The following CREBZF variants were observed in gnomAD, a reference collection of about 807,000 sequenced individuals.
CREBZF encodes the protein HCF-binding transcription factor Zhangfei.
A neutral mutation model predicts 21.1 loss-of-function variants in CREBZF; 8 were observed. The observed-to-expected ratio is 0.38, with a 90% confidence interval of 0.22 to 0.68. The LOEUF is 0.68. Among genes scored for constraint, CREBZF ranks in the 30% least tolerant of loss-of-function variants. The pLI, the probability that CREBZF is intolerant of heterozygous loss-of-function variation, is 0.51. For missense variants in CREBZF, 518 were observed against 484.3 expected (o/e 1.07, Z -0.65); for synonymous variants, 270 against 223.3 (o/e 1.21, Z -1.86).
In CREBZF at chr11:85,661,960, T is replaced by TTATATATATATATATATATGTA. The variant is rs2082695143; in HGVS notation, c.*1829_*1850dup. On this transcript the variant is annotated 3_prime_UTR_variant, in exon 1 of 1. Transcript: ENST00000527447. ...AATAATCTTTCCAACTACTTTTGGT[T>TTATATATATATATATATATGTA]TATATATATATATATATATGTATAT... is the stretch of plus-strand genomic sequence containing the variant. 6.9e-6 allele frequency: 1 copy of TTATATATATATATATATATGTA among 145,776 alleles called. No homozygotes were observed. Among genetic ancestry groups the TTATATATATATATATATATGTA allele is most frequent in the African/African-American group, 2.5e-5 (1 of 40,008 alleles). The allele number at this position is 145,776 out of a possible 1,614,324, so 9.0% of individuals were successfully genotyped here.
intron 1 of CREBZF, chr11:85,682,606 T>TCC: frequency 1.5e-5 from 3 of 204,626 alleles, no homozygotes; most frequent in Non-Finnish European, 1.7e-5. Context: ...CCTGCCCTAC[T>TCC]CCCCCCAACG....
In CREBZF at chr11:85,659,367, A is replaced by T. The variant is rs1428347619; in HGVS notation, c.*4444T>A. ...AGTCTGTTCTATCAAAGTAGTAGTTAAGGTCACCAAATAATGTTGGTGCCT... is the reference window on the plus strand; with the variant it reads ...AGTCTGTTCTATCAAAGTAGTAGTTTAGGTCACCAAATAATGTTGGTGCCT... On this transcript the variant is annotated 3_prime_UTR_variant, in exon 1 of 1. Transcript: ENST00000527447. Among the ~76,000 whole-genome samples the T allele has an allele frequency of 1.3e-5, 2 of 152,096 alleles. No homozygotes were observed. The highest frequency in any genetic ancestry group is 2.9e-5 in the Non-Finnish European group (2 of 67,934).
rs375395025 is a variant in CREBZF, at chr11:85,673,261, G to C, written n.147+9456C>G. ...AGAGAATTGGAGCAGTGATAGCAGG[G>C]AATGGGTTAGTGTTTTTCTGAGTAG... On this transcript the variant is annotated intron_variant and non_coding_transcript_variant, in intron 1 of 3. Transcript: ENST00000531515. 6.4e-4 allele frequency among the ~76,000 whole-genome samples: 97 copies of C among 152,252 alleles called. 1 individual carries two copies. The South Asian group carries it at 0.019, about 29-fold the overall frequency.
At chr11:85,680,560 C>A (rs2082970366) in intron 1 of CREBZF, among the ~76,000 whole-genome samples, 2 of 152,276 alleles carry the variant, frequency 1.3e-5, no homozygotes, top group South Asian at 2.1e-4. Flanking sequence ...AATGACCAGA[C>A]AGATCTGTGC....
chr11:85,682,231 C>G (rs751032827), intron 1 of CREBZF, among the ~76,000 whole-genome samples: 6 of 151,894 alleles, frequency 4.0e-5, no homozygotes, highest in Non-Finnish European at 8.8e-5. Flanking sequence ...TTTTTTCATC[C>G]GTAAAATTGC....
At chr11:85,669,259 T>A (rs1254841935), upstream of CREBZF, among the ~76,000 whole-genome samples, 9 of 152,026 alleles carry the variant, frequency 5.9e-5, no homozygotes, top group Non-Finnish European at 1.3e-4. Context: ...TTTTTTATAT[T>A]GGGGAGGCAG....
In CREBZF at chr11:85,664,405, C is replaced by G; in HGVS notation, c.471G>C (p.Gln157His). The change falls in exon 1 of 1, where the codon CAG becomes CAC. Residue 157 changes from glutamine to histidine, a missense_variant. Gln to His is a conservative substitution (Grantham distance 24). This residue lies in a region of CREBZF where 396 missense variants were observed against 324.4 expected (regional missense o/e 1.22). Transcript: ENST00000527447. The surrounding 1 kb of genome is among the most constrained non-coding windows in gnomAD (Gnocchi z 5.5). ...GCCTTTGCAGCAGGTCAGAGAAGCG[C>G]TGCATTTCAGCAGCCGCGGCCTCAT... is the stretch of plus-strand genomic sequence containing the variant. Reference protein sequence around the residue: ...DDDEAAAAEMQRFSDLLQRLL... With the variant: ...DDDEAAAAEMHRFSDLLQRLL... 1.2e-6 allele frequency: 2 copies of G among 1,613,864 alleles called. No homozygotes were observed. The highest frequency in any genetic ancestry group is 1.1e-5 in the South Asian group (1 of 91,090).
Position 85,665,001 on chromosome 11 carries a change from G to A in CREBZF, c.-126C>T. The stretch of plus-strand genomic sequence containing the variant: ...CGAAACGAAATGCAGGGAAAGGTCC[G>A]AGTCGCCTCCCGCCTCACTTGGCTA... On this transcript the variant is annotated 5_prime_UTR_variant, in exon 1 of 1. Transcript: ENST00000527447. 1 of 610,362 alleles carries A rather than the reference G, an allele frequency of 1.6e-6. No individual in the cohort carries two copies. Among genetic ancestry groups the A allele is most frequent in the Non-Finnish European group, 2.5e-6 (1 of 399,400 alleles). The allele number at this position is 610,362 out of a possible 1,614,324, so 37.8% of individuals were successfully genotyped here.
intron 1 of CREBZF, chr11:85,682,567 C>T (rs1020442257): frequency 3.8e-6 from 2 of 530,188 alleles, no homozygotes; most frequent in Middle Eastern, 5.1e-4. Flanking sequence ...CCCCTGCGCC[C>T]GAGTTTTAGG....
chr11:85,665,102 C>A lies in CREBZF; in HGVS notation c.-227G>T, dbSNP rs1591485160. 1 of 420,624 alleles carries A rather than the reference C, an allele frequency of 2.4e-6. No individual in the cohort carries two copies. The highest frequency in any genetic ancestry group is 6.3e-4 in the Middle Eastern group (1 of 1,600). The allele number at this position is 420,624 out of a possible 1,614,324, so 26.1% of individuals were successfully genotyped here. Reference sequence around the variant, plus strand: ...AGGCCCTGCGATGACTCGACCGCGCCACCCAGACAACGGCGTAGCCGGAAG... The same window carrying A: ...AGGCCCTGCGATGACTCGACCGCGCAACCCAGACAACGGCGTAGCCGGAAG... On this transcript the variant is annotated 5_prime_UTR_variant, in exon 1 of 1. Coordinates refer to ENST00000527447, the MANE Select transcript of CREBZF (RefSeq NM_001039618.4).
intron 1 of CREBZF, among the ~76,000 whole-genome samples, chr11:85,678,025 T>C (rs1019907319): frequency 4.6e-5 from 7 of 152,198 alleles, no homozygotes; most frequent in African/African-American, 1.7e-4. Flanking sequence ...ATAATTAATC[T>C]TTTTGGGGGG....
At chr11:85,665,522 C>G (rs1002285576), upstream of CREBZF, among the ~76,000 whole-genome samples, 1 of 148,358 alleles carries the variant, frequency 6.7e-6, no homozygotes, top group African/African-American at 2.5e-5. Context: ...TTTACTAATA[C>G]TATTTAATAC....
At chr11:85,672,678 T>C (rs2082919734) in intron 1 of CREBZF, among the ~76,000 whole-genome samples, 1 of 152,226 alleles carries the variant, frequency 6.6e-6, no homozygotes, top group Admixed American at 6.5e-5. Context: ...TCCTCCTCCA[T>C]GTGGGCCCAT....
rs745623491 is a variant in CREBZF at position 85,664,639 on chromosome 11, G to C, written c.237C>G (p.Ser79=). 2.5e-6 allele frequency: 4 copies of C among 1,609,314 alleles called. No individual in the cohort carries two copies. Among genetic ancestry groups the C allele is most frequent in the Non-Finnish European group, 3.4e-6 (4 of 1,177,810 alleles). The change falls in exon 1 of 1, where the codon TCC becomes TCG. Residue 79 remains serine, a synonymous_variant. Coordinates refer to ENST00000527447, the MANE Select transcript of CREBZF (RefSeq NM_001039618.4). The surrounding 1 kb of genome is among the most constrained non-coding windows in gnomAD (Gnocchi z 5.5). ...SRGGVAVRAP[S]PEEMEEEAIA... Reference sequence around the variant, plus strand: ...TCGCCTCCTCCTCCATCTCCTCGGGGGAGGGCGCGCGCACGGCCACGCCGC... The same window carrying C: ...TCGCCTCCTCCTCCATCTCCTCGGGCGAGGGCGCGCGCACGGCCACGCCGC...
chr11:85,676,221 G>T (rs1344561217), intron 1 of CREBZF, among the ~76,000 whole-genome samples: 2 of 152,162 alleles, frequency 1.3e-5, no homozygotes, highest in African/African-American at 2.4e-5. Context: ...GTTTGAGCAT[G>T]AAAGATTTGG....
At chr11:85,682,852 C>A (rs1240303623) in exon 1 of CREBZF, 9 of 702,196 alleles carry the variant, frequency 1.3e-5, no homozygotes, top group African/African-American at 3.5e-5. Flanking sequence ...CGAGCTTGGA[C>A]GTACAGGTTG....
intron 1 of CREBZF, among the ~76,000 whole-genome samples, chr11:85,675,131 A>G (rs1308137711): frequency 6.6e-6 from 1 of 152,196 alleles, no homozygotes; most frequent in Non-Finnish European, 1.5e-5. Flanking sequence ...CCTATCATTC[A>G]TGTGTTTACA....
chr11:85,665,803 TAACA>T (rs926661996), upstream of CREBZF, among the ~76,000 whole-genome samples: 18 of 152,112 alleles, frequency 1.2e-4, no homozygotes, highest in African/African-American at 3.4e-4. Context: ...TGCATTTGGG[TAACA>T]AACAAACAAA....
At position 85,660,463 on chromosome 11, in the gene CREBZF, C is replaced by G. The variant is rs905573307; in HGVS notation, c.*3348G>C. 2.6e-6 allele frequency: 1 copy of G among 384,866 alleles called. No homozygotes were observed. Among genetic ancestry groups the G allele is most frequent in the Non-Finnish European group, 5.0e-6 (1 of 198,032 alleles). 23.8% of individuals were successfully genotyped at this position (384,866 alleles called of 1,614,324 possible). The stretch of plus-strand genomic sequence containing the variant: ...AATCAGTATAGAAGTAATTTGGGAA[C>G]TTGAAAATGGCATTCATTTTTTTCA... On this transcript the variant is annotated 3_prime_UTR_variant, in exon 1 of 1. Coordinates refer to ENST00000527447, the MANE Select transcript of CREBZF (RefSeq NM_001039618.4).
Sources: allele counts gnomAD v4.1 joint callset (sites outside exome capture counted in the v4.1 genomes callset), GRCh38; gene constraint gnomAD v4.1.1; regional missense constraint gnomAD v4.1.1; non-coding constraint Gnocchi (gnomAD v3.1); transcripts MANE v1.5; gene names NCBI Gene and HGNC (gene_info 2026-07-23, HGNC 2026-07-21).